The following RBM17 variants were observed in gnomAD, a reference collection of about 807,000 sequenced individuals.
RBM17 encodes splicing factor 45.
In RBM17, 7 loss-of-function variants were observed where a neutral mutation model predicts 53.2. The ratio of observed to expected loss-of-function variants is 0.13; its 90% CI spans 0.07 to 0.25. The LOEUF is 0.25. Ranked by LOEUF, RBM17 falls within the 10% of genes least tolerant of loss-of-function variation. RBM17 has a pLI of 1.00. For missense variants in RBM17, 257 were observed against 496.7 expected, an observed-to-expected ratio of 0.52 and a Z score of 4.59; for synonymous variants, 167 against 178.1, an observed-to-expected ratio of 0.94 and a Z score of 0.50.
At chr10:6,090,855 G>GA (rs1285151067) in intron 1 of RBM17, among the ~76,000 whole-genome samples, 1 of 142,466 alleles carries the variant, frequency 7.0e-6, no homozygotes, top group African/African-American at 2.8e-5. Context: ...GGAGGTATGG[G>GA]AAAAATTTTT....
intron 2 of RBM17, among the ~76,000 whole-genome samples, chr10:6,097,758 T>C (rs1840597615): frequency 6.6e-6 from 1 of 152,346 alleles, no homozygotes; most frequent in Non-Finnish European, 1.5e-5. Context: ...AGGTCTAAGA[T>C]TGAGTGAGAA....
At chr10:6,105,448 C>T (rs1452776994) in intron 4 of RBM17, among the ~76,000 whole-genome samples, 2 of 152,148 alleles carry the variant, frequency 1.3e-5, no homozygotes, top group East Asian at 1.9e-4. Flanking sequence ...TTTTGAATGC[C>T]AACATGCCGC....
chr10:6,116,844 A>T lies in RBM17; in HGVS notation c.*1288A>T, dbSNP rs1384347566. The stretch of plus-strand genomic sequence containing the variant: ...AGAATAACATTTTATCTTTTGTGGT[A>T]TTATTTTATTGAATAAAATTGAGTT... On this transcript the variant is annotated 3_prime_UTR_variant, in exon 12 of 12. Transcript: ENST00000379888. The T allele has an allele frequency of 2.0e-5, 3 of 152,282 alleles. No individual in the cohort carries two copies. The highest frequency in any genetic ancestry group is 4.4e-5 in the Non-Finnish European group (3 of 68,022). The allele number at this position is 152,282 out of a possible 1,614,324, so 9.4% of individuals were successfully genotyped here. A position where few individuals can be genotyped will look rare whatever the true frequency, so the allele number is the denominator to read the frequency against.
In RBM17 at chr10:6,112,321, G is replaced by A; in HGVS notation, c.816G>A (p.Lys272=). 6.2e-7 allele frequency: 1 copy of A among 1,614,034 alleles called. No individual in the cohort carries two copies. Among genetic ancestry groups the A allele is most frequent in the Non-Finnish European group, 8.5e-7 (1 of 1,180,026 alleles). ...CCTTGTCAGTGGAGAAGACCAGCAAGCGTGGCGGCAAGATCATCGTGGGCG... is the reference window on the plus strand; with the variant it reads ...CCTTGTCAGTGGAGAAGACCAGCAAACGTGGCGGCAAGATCATCGTGGGCG... ...STALSVEKTS[K]RGGKIIVGDA... is the part of the protein sequence containing the mutation. The change falls in exon 8 of 12, where the codon AAG becomes AAA. Residue 272 remains lysine (K), a synonymous_variant. Transcript: ENST00000379888. This position sits in a 1 kb window ranked among gnomAD's most constrained non-coding sequence, Gnocchi z 4.4.
rs1162057643 is a variant in RBM17 at position 6,110,048 on chromosome 10, A to G, written c.625A>G (p.Ile209Val). The G allele has an allele frequency of 6.2e-7, 1 of 1,613,282 alleles. No individual in the cohort carries two copies. Among genetic ancestry groups the G allele is most frequent in the Non-Finnish European group, 8.5e-7 (1 of 1,179,510 alleles). Residue 209 changes from isoleucine to valine, a missense_variant, in exon 7 of 12, where the codon ATT becomes GTT. Transcript: ENST00000379888. ...TCGATCACAGTCTTCCAAAGCAGCC[A>G]TTCCTCCCCCAGTGTACGAGGAACA... ...RPRSQSSKAA[I>V]PPPVYEEQDR...
At chr10:6,115,167 T>A in intron 10 of RBM17, 72 bp from the exon 11 acceptor site, 1 of 1,164,176 alleles carries the variant, frequency 8.6e-7, no homozygotes, top group Middle Eastern at 2.8e-4. Context: ...CTCTGAGAAA[T>A]CATTTAAAAG....
At chr10:6,091,096 A>C (rs572059544) in intron 1 of RBM17, among the ~76,000 whole-genome samples, 3 of 150,458 alleles carry the variant, frequency 2.0e-5, no homozygotes, top group Non-Finnish European at 4.4e-5. Flanking sequence ...GTCTCACTCT[A>C]TAGTCCAGGC....
intron 5 of RBM17, among the ~76,000 whole-genome samples, chr10:6,107,144 CT>C (rs1840760597): frequency 6.6e-6 from 1 of 152,192 alleles, no homozygotes; most frequent in Admixed American, 6.5e-5. Context: ...TGGACACTGG[CT>C]TTAGAATAAT....
chr10:6,101,016 C>T (rs546517599), intron 2 of RBM17, among the ~76,000 whole-genome samples: 2 of 152,098 alleles, frequency 1.3e-5, no homozygotes, highest in South Asian at 4.2e-4. Flanking sequence ...AACTCTTATC[C>T]CCAAGTATCT....
At chr10:6,092,598 A>C (rs2132936455) in intron 1 of RBM17, among the ~76,000 whole-genome samples, 1 of 152,342 alleles carries the variant, frequency 6.6e-6, no homozygotes, top group African/African-American at 2.4e-5. Flanking sequence ...GTGAATTCAC[A>C]GGTGCTTGCA....
Position 6,092,024 on chromosome 10 carries a change from A to G in RBM17, c.-19+2831A>G, listed in dbSNP as rs981926956. Reference sequence around the variant, plus strand: ...TTGGGTGGAATCTTGAAAACTCACCATTCTTCCTTCTGGCAGAACCATGTT... The same window carrying G: ...TTGGGTGGAATCTTGAAAACTCACCGTTCTTCCTTCTGGCAGAACCATGTT... On this transcript the variant is annotated intron_variant, in intron 1 of 11. Coordinates refer to ENST00000379888, the MANE Select transcript of RBM17 (RefSeq NM_032905.5). Among the ~76,000 whole-genome samples the G allele has an allele frequency of 4.6e-5, 7 of 152,196 alleles. No homozygotes were observed. The South Asian group carries it at 8.3e-4, about 18-fold the overall frequency.
intron 1 of RBM17, among the ~76,000 whole-genome samples, chr10:6,090,229 A>T (rs888694828): frequency 9.9e-5 from 15 of 152,170 alleles, no homozygotes; most frequent in Non-Finnish European, 5.9e-5. Context: ...GATATTCTAG[A>T]TAAGGGCAAG....
At chr10:6,105,491 T>A (rs1166615787) in intron 4 of RBM17, among the ~76,000 whole-genome samples, 2 of 152,200 alleles carry the variant, frequency 1.3e-5, no homozygotes, top group Non-Finnish European at 2.9e-5. Context: ...GATTTTGGCT[T>A]AGGGATGCTG....
intron 6 of RBM17, 40 bp from the exon 7 acceptor site, chr10:6,109,946 T>C (rs1840812422): frequency 6.5e-7 from 1 of 1,538,074 alleles, no homozygotes; most frequent in Non-Finnish European, 8.8e-7. Flanking sequence ...GAGTGTTTTC[T>C]ATAGTATTTT....
chr10:6,095,885 C>T (rs902187966), intron 1 of RBM17, among the ~76,000 whole-genome samples: 6 of 152,088 alleles, frequency 3.9e-5, no homozygotes, highest in Non-Finnish European at 8.8e-5. Flanking sequence ...AGAGTACCTT[C>T]AAGAGAAATG....
Position 6,116,779 on chromosome 10 carries a change from A to T in RBM17, c.*1223A>T, listed in dbSNP as rs1447697639. ...CATAAGGAATATTCTGACCCTTTTT[A>T]AAAAAGGATTTTCTCATGTTTTTAT... On this transcript the variant is annotated 3_prime_UTR_variant, in exon 12 of 12. Transcript: ENST00000379888. 2.0e-5 allele frequency: 3 copies of T among 152,324 alleles called. No individual in the cohort carries two copies. Among genetic ancestry groups the T allele is most frequent in the Non-Finnish European group, 4.4e-5 (3 of 68,030 alleles). The allele number at this position is 152,324 out of a possible 1,614,324, so 9.4% of individuals were successfully genotyped here. A position where few individuals can be genotyped will look rare whatever the true frequency, so the allele number is the denominator to read the frequency against.
intron 1 of RBM17, among the ~76,000 whole-genome samples, chr10:6,094,205 C>G (rs1248543707): frequency 3.9e-5 from 6 of 151,998 alleles, no homozygotes; most frequent in Non-Finnish European, 8.8e-5. Flanking sequence ...GTCTCGATCT[C>G]CTGACCTCGT....
In RBM17 at chr10:6,116,321, G is replaced by T. The variant is rs1840915860; in HGVS notation, c.*765G>T. 6.6e-6 allele frequency: 1 copy of T among 152,316 alleles called. No individual in the cohort carries two copies. The highest frequency in any genetic ancestry group is 6.5e-5 in the Admixed American group (1 of 15,284). The allele number at this position is 152,316 out of a possible 1,614,324, so 9.4% of individuals were successfully genotyped here. On this transcript the variant is annotated 3_prime_UTR_variant, in exon 12 of 12. Coordinates refer to ENST00000379888, the MANE Select transcript of RBM17 (RefSeq NM_032905.5). ...CAGGTGCATTGTAAATGTGTGCCCA[G>T]TTATGTTTTGGAAATGGCAGTTCCT...
intron 7 of RBM17, 66 bp downstream of exon 7, chr10:6,110,193 T>C: frequency 7.0e-7 from 1 of 1,420,662 alleles, no homozygotes; most frequent in South Asian, 1.5e-5. Flanking sequence ...GCCCTTTCAA[T>C]AGATGCAGCT....
Sources: allele counts gnomAD v4.1 joint callset (sites outside exome capture counted in the v4.1 genomes callset), GRCh38; gene constraint gnomAD v4.1.1; non-coding constraint Gnocchi (gnomAD v3.1); transcripts MANE v1.5; gene names NCBI Gene and HGNC (gene_info 2026-07-23, HGNC 2026-07-21).